The following DCC variants were observed in gnomAD, a reference collection of about 807,000 sequenced individuals.
DCC encodes the protein netrin receptor DCC.
A neutral mutation model predicts 172.5 loss-of-function variants in DCC; 58 were observed. That is an observed-to-expected ratio of 0.34 (90% confidence interval 0.27 to 0.42). The LOEUF (loss-of-function observed/expected upper bound fraction) is 0.42, where lower values mean the gene tolerates loss of function less well. Among genes scored for constraint, DCC ranks in the 10% least tolerant of loss-of-function variants. The pLI is 1.00. For missense variants in DCC, 1,740 were observed against 1,791.0 expected (o/e 0.97, Z 0.51); for synonymous variants, 709 against 644.5 (o/e 1.10, Z -1.52).
chr18:53,499,221 C>T, intron 26 of DCC, 77 bp from the exon 27 acceptor site: 2 of 1,406,588 alleles, frequency 1.4e-6, no homozygotes. Flanking sequence ...TGAATGGATG[C>T]AGGGACTGTT....
intron 5 of DCC, among the ~76,000 whole-genome samples, chr18:52,954,904 A>G (rs1468349182): frequency 6.6e-6 from 1 of 152,162 alleles, no homozygotes; most frequent in Admixed American, 6.5e-5. Context: ...GGTAAACTTT[A>G]CGAACAGGTT....
chr18:52,767,761 G>C (rs2064966132), intron 2 of DCC, among the ~76,000 whole-genome samples: 1 of 152,058 alleles, frequency 6.6e-6, no homozygotes, highest in South Asian at 2.1e-4. Context: ...CGTTTTTCTA[G>C]GAAATATTTT....
chr18:53,522,300 T>C (rs2046407582), intron 27 of DCC, among the ~76,000 whole-genome samples: 1 of 150,578 alleles, frequency 6.6e-6, no homozygotes, highest in Non-Finnish European at 1.5e-5. Context: ...AAAAATGGTG[T>C]GTGAGTAGAG....
At chr18:52,737,538 A>T (rs2036748872) in intron 1 of DCC, among the ~76,000 whole-genome samples, 1 of 152,088 alleles carries the variant, frequency 6.6e-6, no homozygotes, top group Admixed American at 6.6e-5. Flanking sequence ...TGAAAATGGC[A>T]TGTGTTTTAT....
intron 15 of DCC, among the ~76,000 whole-genome samples, chr18:53,374,515 G>A (rs1454250796): frequency 6.6e-6 from 1 of 152,150 alleles, no homozygotes; most frequent in Non-Finnish European, 1.5e-5. Flanking sequence ...GTCACCCATT[G>A]AAGACAAGAT....
intron 1 of DCC, among the ~76,000 whole-genome samples, chr18:52,586,954 G>T (rs2033688007): frequency 6.6e-6 from 1 of 152,124 alleles, no homozygotes; most frequent in Non-Finnish European, 1.5e-5. Context: ...GAGTGCCTTG[G>T]TCAGAGGCAA....
intron 1 of DCC, among the ~76,000 whole-genome samples, chr18:52,583,071 T>C (rs2033590445): frequency 6.6e-6 from 1 of 152,168 alleles, no homozygotes; most frequent in South Asian, 2.1e-4. Context: ...ATATTGGCTC[T>C]CTACAATATC....
At position 53,499,364 on chromosome 18, in the gene DCC, G is replaced by C; in HGVS notation, c.3965G>C (p.Ser1322Thr). ...MLPPSQPEHSSSEEAPSRTIP... is the reference protein window; with the variant it reads ...MLPPSQPEHSTSEEAPSRTIP... ...CCCCCATCTCAGCCTGAGCATTCTA[G>C]CAGCGAGGAGGCACCAAGCAGAACC... Residue 1322 changes from serine to threonine, a missense_variant, in exon 27 of 29, where the codon AGC becomes ACC. By Grantham distance (58) the Ser-to-Thr change is moderately conservative (BLOSUM62 1). This residue lies in a region of DCC where 1,732 missense variants were observed against 1,767.4 expected (regional missense o/e 0.98). Coordinates refer to ENST00000442544, the MANE Select transcript of DCC (RefSeq NM_005215.4). 6.2e-7 allele frequency: 1 copy of C among 1,614,080 alleles called. No individual in the cohort carries two copies. Among genetic ancestry groups the C allele is most frequent in the African/African-American group, 1.3e-5 (1 of 75,016 alleles).
intron 1 of DCC, among the ~76,000 whole-genome samples, chr18:52,592,862 C>T (rs1378460331): frequency 6.6e-6 from 1 of 152,122 alleles, no homozygotes; most frequent in Non-Finnish European, 1.5e-5. Context: ...CCAGGCTAGT[C>T]TCAAACTCCT....
intron 4 of DCC, 134 bp from the exon 5 acceptor site, chr18:52,925,100 A>G (rs1242408559): frequency 3.4e-6 from 3 of 878,408 alleles, no homozygotes; most frequent in African/African-American, 1.7e-5. Context: ...TGAGACTTTA[A>G]TCAAGCCCTT....
intron 7 of DCC, among the ~76,000 whole-genome samples, chr18:53,117,103 G>A (rs1247288319): frequency 6.6e-6 from 1 of 151,556 alleles, no homozygotes; most frequent in African/African-American, 2.4e-5. Context: ...ACTAAGCTTT[G>A]GAATACTAAG....
intron 2 of DCC, among the ~76,000 whole-genome samples, chr18:52,755,814 T>G (rs2037068296): frequency 6.6e-6 from 1 of 151,816 alleles, no homozygotes; most frequent in African/African-American, 2.4e-5. Context: ...TCTCAAAGTG[T>G]CTTTTGATAA....
chr18:52,842,055 TA>T (rs1258172989), intron 2 of DCC, among the ~76,000 whole-genome samples: 1 of 152,042 alleles, frequency 6.6e-6, no homozygotes, highest in Non-Finnish European at 1.5e-5. Flanking sequence ...TTAATGACCA[TA>T]AAAAGTATTG....
At chr18:52,706,524 C>T (rs996275409) in intron 1 of DCC, among the ~76,000 whole-genome samples, 1 of 152,150 alleles carries the variant, frequency 6.6e-6, no homozygotes, top group African/African-American at 2.4e-5. Flanking sequence ...TTTCTGAATC[C>T]TGTTCATTTA....
rs573993465 is a variant in DCC, at chr18:53,063,374, G to A, written c.1055G>A (p.Cys352Tyr). ...AYESMDIEFECTVSGKPVPTV... is the reference protein window; with the variant it reads ...AYESMDIEFEYTVSGKPVPTV... ...GAAAGCATGGATATTGAGTTTGAAT[G>A]TACAGTCTCTGGAAAGCCTGTGCCC... The change falls in exon 6 of 29, where the codon TGT becomes TAT. Residue 352 changes from cysteine (C) to tyrosine (Y), a missense_variant. Transcript: ENST00000442544. 2 of 1,612,566 alleles carry A rather than the reference G, an allele frequency of 1.2e-6. No homozygotes were observed. The highest frequency in any genetic ancestry group is 1.1e-5 in the South Asian group (1 of 91,040).
chr18:52,445,493 C>T (rs1260238933), intron 1 of DCC, among the ~76,000 whole-genome samples: 1 of 152,166 alleles, frequency 6.6e-6, no homozygotes, highest in Non-Finnish European at 1.5e-5. Context: ...TCTAAATACA[C>T]CCACTTTATA....
chr18:52,544,831 G>A (rs2032568349), intron 1 of DCC, among the ~76,000 whole-genome samples: 1 of 152,156 alleles, frequency 6.6e-6, no homozygotes, highest in African/African-American at 2.4e-5. Flanking sequence ...AAAGTTAAGA[G>A]TTTGGCACAA....
intron 1 of DCC, among the ~76,000 whole-genome samples, chr18:52,719,339 GA>G (rs112204849): frequency 2.0e-5 from 3 of 151,682 alleles, no homozygotes; most frequent in Admixed American, 6.6e-5. Flanking sequence ...GAAAGAAAAA[GA>G]AAAAAAATCA....
chr18:52,418,477 T>C (rs976458346), intron 1 of DCC, among the ~76,000 whole-genome samples: 2 of 152,174 alleles, frequency 1.3e-5, no homozygotes, highest in Non-Finnish European at 2.9e-5. Flanking sequence ...AGGTTTGCAA[T>C]GGCCAACTCA....
Sources: gnomAD v4.1 joint callset for allele counts (sites outside exome capture counted in the v4.1 genomes callset) on GRCh38, gnomAD v4.1.1 for gene constraint, gnomAD v4.1.1 regional missense constraint, MANE v1.5 for transcripts, NCBI Gene and HGNC (gene_info 2026-07-23, HGNC 2026-07-21) for gene names.